JAG1: variants seen among roughly 807,000 people sequenced by gnomAD.
The protein encoded by JAG1 is protein jagged-1.
A neutral mutation model predicts 148.7 loss-of-function variants in JAG1; 23 were observed. That is an observed-to-expected ratio of 0.15 (90% CI 0.11 to 0.22). The LOEUF (loss-of-function observed/expected upper bound fraction) is 0.22, where lower values mean the gene tolerates loss of function less well. JAG1 is among the 10% of genes least tolerant of loss of function. The pLI, the probability that JAG1 is intolerant of heterozygous loss-of-function variation, is 1.00. For missense variants in JAG1, 1,054 were observed against 1,611.2 expected, an observed-to-expected ratio of 0.65 and a Z score of 5.92; for synonymous variants, 572 against 598.3, an observed-to-expected ratio of 0.96 and a Z score of 0.64.
At chr20:10,669,546 CCAAAAAAAAAAAAAAAAAAAAAAAA>C (rs1489835259) in intron 2 of JAG1, among the ~76,000 whole-genome samples, 1 of 17,008 alleles carries the variant, frequency 5.9e-5, no homozygotes, top group Non-Finnish European at 1.1e-4. Flanking sequence ...ATTGGATTTT[CCAAAAAAAAAAAAAAAAAAAAAAAA>C]AAAAAAAAAA....
At chr20:10,662,251 T>C (rs1201267629) in intron 3 of JAG1, 1 of 152,116 alleles carries the variant, frequency 6.6e-6, no homozygotes, top group Non-Finnish European at 1.5e-5. Context: ...CCCCAGGAGA[T>C]GAAACATCCT....
intron 3 of JAG1, 37 bp downstream of exon 3, chr20:10,663,926 G>C (rs750099364): frequency 3.5e-5 from 55 of 1,573,966 alleles, no homozygotes; most frequent in Non-Finnish European, 4.6e-5. Context: ...ACACTTCCAC[G>C]TGTGTTTAGA....
intron 14 of JAG1, 67 bp downstream of exon 14, chr20:10,646,872 A>C: frequency 1.4e-6 from 2 of 1,451,916 alleles, no homozygotes; most frequent in Non-Finnish European, 1.9e-6. Flanking sequence ...AGGGTGGGCC[A>C]GGGGCAGAGG....
At chr20:10,661,583 C>G (rs1339645798) in intron 3 of JAG1, among the ~76,000 whole-genome samples, 1 of 152,150 alleles carries the variant, frequency 6.6e-6, no homozygotes, top group Non-Finnish European at 1.5e-5. Flanking sequence ...GGCAGGGAGA[C>G]AAAGCTGGGC....
At chr20:10,648,781 A>AGCTGGAGGAGACGGTATACT in intron 11 of JAG1, 59 bp from the exon 12 acceptor site, 2 of 1,517,984 alleles carry the variant, frequency 1.3e-6, no homozygotes, top group East Asian at 4.5e-5. Context: ...TTCCACAAAC[A>AGCTGGAGGAGACGGTATACT]CAGGGCTTCA....
At chr20:10,644,629 G>C in intron 18 of JAG1, 1 of 639,420 alleles carries the variant, frequency 1.6e-6, no homozygotes, top group Non-Finnish European at 2.8e-6. Flanking sequence ...AAGGAGACAG[G>C]CTGCTGGTCA....
chr20:10,641,522 A>G lies in JAG1; in HGVS notation c.2854T>C (p.Ser952Pro). Residue 952 changes from serine to proline, a missense_variant, in exon 23 of 26, where the codon TCC (serine) becomes CCC (proline). Ser to Pro is a moderately conservative substitution (Grantham distance 74, BLOSUM62 -1). This residue lies in a region of JAG1 where 342 missense variants were observed against 514.6 expected (regional missense o/e 0.66). Coordinates refer to ENST00000254958, the MANE Select transcript of JAG1 (RefSeq NM_000214.3). ...TTCGCACAGTTATCCTGGTAATAGG[A>G]GTCAGAGGTGCACTTTGTCTTCACC... Reference protein sequence around the residue: ...QPVKTKCTSDSYYQDNCANIT... With the variant: ...QPVKTKCTSDPYYQDNCANIT... The G allele has an allele frequency of 6.2e-7, 1 of 1,614,206 alleles. No homozygotes were observed. Among genetic ancestry groups the G allele is most frequent in the Non-Finnish European group, 8.5e-7 (1 of 1,180,042 alleles).
chr20:10,646,264 G>A, intron 14 of JAG1, 180 bp from the exon 15 acceptor site: 1 of 641,578 alleles, frequency 1.6e-6, no homozygotes. Context: ...AGCTTCCAGA[G>A]AGTGCCTTAC....
Position 10,672,827 on chromosome 20 carries a change from C to T in JAG1, c.261G>A (p.Thr87=), listed in dbSNP as rs1393648293. The change falls in exon 2 of 26, where the codon ACG becomes ACA. Residue 87 remains threonine, a synonymous_variant. Transcript: ENST00000254958. The part of the protein sequence containing the change: ...VCLKEYQSRV[T]AGGPCSFGSG... ...AGCCGAAGCTGCAGGGCCCCCCGGC[C>T]GTGACGCGGGACTGATACTCCTTGA... 10 of 1,613,110 alleles carry T rather than the reference C, an allele frequency of 6.2e-6. No individual in the cohort carries two copies. In the South Asian group the frequency reaches 9.9e-5, roughly 16 times the overall value.
chr20:10,672,609 A>AG, intron 2 of JAG1, 92 bp downstream of exon 2: 1 of 1,308,064 alleles, frequency 7.6e-7, no homozygotes, highest in Non-Finnish European at 1.1e-6. Context: ...TTCAAGCCAA[A>AG]GCCCTTTAAA....
At chr20:10,665,103 C>T (rs1051086057) in intron 2 of JAG1, among the ~76,000 whole-genome samples, 4 of 152,074 alleles carry the variant, frequency 2.6e-5, no homozygotes, top group Non-Finnish European at 5.9e-5. Context: ...GAAATAGAAG[C>T]GTGTATAGAT....
Position 10,643,628 on chromosome 20 carries a change from C to G in JAG1, c.2458+150G>C, listed in dbSNP as rs1412802525. Reference sequence around the variant, plus strand: ...CCTGGGAGGATCCAGCCTGGCATATCTTAATCCCAGCTGGAGGAGAGAGAT... The same window carrying G: ...CCTGGGAGGATCCAGCCTGGCATATGTTAATCCCAGCTGGAGGAGAGAGAT... On this transcript the variant is annotated intron_variant, in intron 20 of 25. Transcript: ENST00000254958. 6 of 727,264 alleles carry G rather than the reference C, an allele frequency of 8.3e-6. No homozygotes were observed. In the African/African-American group the frequency reaches 8.7e-5, roughly 11 times the overall value. 45.1% of individuals were successfully genotyped at this position (727,264 alleles called of 1,614,324 possible). A position where few individuals can be genotyped will look rare whatever the true frequency, so the allele number is the denominator to read the frequency against.
chr20:10,656,319 G>T (rs1428871907), intron 5 of JAG1, 79 bp downstream of exon 5: 3 of 1,136,636 alleles, frequency 2.6e-6, no homozygotes, highest in Non-Finnish European at 4.0e-6. Context: ...GAAAAAAGAG[G>T]CATAGTCACA....
Position 10,651,710 on chromosome 20 carries a change from T to C in JAG1, c.1007-16A>G, listed in dbSNP as rs201709907. ...GCGTGCTCAGCTGCAAAAACCAGGA[T>C]GGCAGTCAGAGAGGGATGCCTGCAC... On this transcript the variant is annotated splice_polypyrimidine_tract_variant and intron_variant, in intron 7 of 25. Coordinates refer to ENST00000254958, the MANE Select transcript of JAG1 (RefSeq NM_000214.3). 3.3e-4 allele frequency: 509 copies of C among 1,560,816 alleles called. 3 individuals carry two copies. In the African/African-American group the frequency reaches 6.2e-3, roughly 19 times the overall value.
chr20:10,664,373 A>AACACACACAC (rs59417356), intron 2 of JAG1, among the ~76,000 whole-genome samples: 3,594 of 144,596 alleles, frequency 0.025, 94 homozygotes, highest in African/African-American at 0.059. Context: ...TGCATGAGGA[A>AACACACACAC]ACACACACAC....
chr20:10,648,532 G>GT lies in JAG1; in HGVS notation c.1569+16dup, dbSNP rs1433708632. On this transcript the variant is annotated intron_variant, in intron 12 of 25. Coordinates refer to ENST00000254958, the MANE Select transcript of JAG1 (RefSeq NM_000214.3). ...TGCTCTAAAAACTTGGCCATCTGAG[G>GT]TTTTGCCACCACTCACCTGACAGAG... is the stretch of plus-strand genomic sequence containing the variant. 1 of 1,611,888 alleles carries GT rather than the reference G, an allele frequency of 6.2e-7. No homozygotes were observed.
chr20:10,669,588 A>AAAAT (rs2067481928), intron 2 of JAG1, among the ~76,000 whole-genome samples: 2 of 135,952 alleles, frequency 1.5e-5, no homozygotes, highest in Admixed American at 7.8e-5. Context: ...AAAAAAAAAA[A>AAAAT]GTTGATCTCA....
chr20:10,669,394 G>A (rs1038560307), intron 2 of JAG1, among the ~76,000 whole-genome samples: 1 of 151,400 alleles, frequency 6.6e-6, no homozygotes, highest in Non-Finnish European at 1.5e-5. Flanking sequence ...AGAAGCTCAG[G>A]GACTGGAAAA....
chr20:10,656,451 G>A lies in JAG1; in HGVS notation c.702C>T (p.Cys234=), dbSNP rs202109974. 6.4e-5 allele frequency: 104 copies of A among 1,613,716 alleles called. 1 individual carries two copies. The South Asian group carries it at 9.2e-4, about 14-fold the overall frequency. Residue 234 remains cysteine, a synonymous_variant, in exon 5 of 26, where the codon TGC becomes TGT. Coordinates refer to ENST00000254958, the MANE Select transcript of JAG1 (RefSeq NM_000214.3). ...WMGPECNRAI[C]RQGCSPKHGS... is the part of the protein sequence containing the mutation. ...CATGCTTAGGACTGCAGCCTTGTCG[G>A]CAAATAGCTGTAAAAAACAGAGAAG...
Sources: gnomAD v4.1 joint callset for allele counts (sites outside exome capture counted in the v4.1 genomes callset) on GRCh38, gnomAD v4.1.1 for gene constraint, gnomAD v4.1.1 regional missense constraint, MANE v1.5 for transcripts, NCBI Gene and HGNC (gene_info 2026-07-23, HGNC 2026-07-21) for gene names.